The following CFAP92 variants were observed in gnomAD, a reference collection of about 807,000 sequenced individuals.
CFAP92 encodes cilia and flagella associated protein 92 (putative), also known as uncharacterized protein CFAP92.
Under a neutral mutation model 106.3 loss-of-function variants are expected in CFAP92, and 86 were observed. The ratio of observed to expected loss-of-function variants is 0.81; its 90% CI spans 0.68 to 0.97. The LOEUF is 0.97. Ranked by LOEUF, CFAP92 falls within the 50% of genes least tolerant of loss-of-function variation. The probability of loss-of-function intolerance (pLI) is 0.00; values close to 1 mark genes in which losing one functional copy is unlikely to be tolerated. For synonymous variants in CFAP92, 477 were observed against 506.4 expected (o/e 0.94, Z 0.78); for missense variants, 1,204 against 1,283.8 (o/e 0.94, Z 0.95).
chr3:128,971,417 T>C lies in CFAP92; in HGVS notation c.1038A>G (p.Ser346=). Reference sequence around the variant, plus strand: ...TCCTCTGGATTTTCCTTCTTCCCTCTGAATCTTTCCCTTTAACTGTGAAAT... The same window carrying C: ...TCCTCTGGATTTTCCTTCTTCCCTCCGAATCTTTCCCTTTAACTGTGAAAT... ...RQRSQIKGKD[S]EGRRKIQRRH... Residue 346 remains serine (S), a synonymous_variant, in exon 8 of 16, where the codon TCA becomes TCG. Coordinates refer to ENST00000645291, the MANE Select transcript of CFAP92 (RefSeq NM_001394090.1). The C allele has an allele frequency of 1.2e-6, 2 of 1,608,996 alleles. No homozygotes were observed. The highest frequency in any genetic ancestry group is 1.1e-5 in the South Asian group (1 of 90,400).
At chr3:128,995,205 C>T (rs1944434867), upstream of CFAP92, among the ~76,000 whole-genome samples, 1 of 152,216 alleles carries the variant, frequency 6.6e-6, no homozygotes, top group Non-Finnish European at 1.5e-5. Flanking sequence ...GCAGCTGGGG[C>T]TGAGACCCAA....
At chr3:129,022,436 G>A in the CFAP92 span, among the ~76,000 whole-genome samples, 7 of 152,226 alleles carry the variant, frequency 4.6e-5, no homozygotes, top group African/African-American at 1.2e-4. Context: ...AAGATCTGGA[G>A]CCAGGAGCCA....
intron 1 of CFAP92, chr3:128,993,680 C>T (rs1396550493): frequency 5.9e-6 from 2 of 338,974 alleles, no homozygotes; most frequent in African/African-American, 4.2e-5. Flanking sequence ...GACGTCTGCT[C>T]AGGCAGGCCT....
upstream of CFAP92, chr3:129,004,213 A>C (rs1944956250): frequency 8.7e-7 from 1 of 1,149,844 alleles, no homozygotes; most frequent in Non-Finnish European, 1.1e-6. Flanking sequence ...GTATTCTTTC[A>C]TTCCTTTGTC....
chr3:128,912,465 G>C (rs184945177), intron 15 of CFAP92: 1 of 1,562,792 alleles, frequency 6.4e-7, no homozygotes, highest in South Asian at 1.1e-5. Context: ...GTCTTATCAC[G>C]GTGCAGAAAG....
intron 12 of CFAP92, among the ~76,000 whole-genome samples, chr3:128,916,875 A>C (rs1430500695): frequency 6.6e-6 from 1 of 152,234 alleles, no homozygotes; most frequent in Admixed American, 6.5e-5. Flanking sequence ...TTACCACTCT[A>C]AATTGTTGGG....
chr3:129,012,373 G>A, the CFAP92 span, among the ~76,000 whole-genome samples: 1 of 152,102 alleles, frequency 6.6e-6, no homozygotes, highest in Non-Finnish European at 1.5e-5. Context: ...ACACTCCTCG[G>A]ATGAGCTTTC....
chr3:128,993,854 TG>T, intron 1 of CFAP92, 125 bp downstream of exon 1: 1 of 697,238 alleles, frequency 1.4e-6, no homozygotes, highest in Non-Finnish European at 1.8e-6. Flanking sequence ...CTCAGGCCCA[TG>T]GAGGCGGAAC....
chr3:128,973,419 G>A (rs559345385), intron 7 of CFAP92, among the ~76,000 whole-genome samples: 1 of 152,262 alleles, frequency 6.6e-6, no homozygotes, highest in Admixed American at 6.5e-5. Context: ...CACTTTGGGA[G>A]GCCGAGGCAA....
the CFAP92 span, among the ~76,000 whole-genome samples, chr3:129,020,505 C>T: frequency 2.6e-5 from 4 of 152,120 alleles, no homozygotes; most frequent in Non-Finnish European, 5.9e-5. Context: ...AGCATGGTGG[C>T]CTGCACCTGT....
At chr3:128,964,790 C>G (rs1942241348) in intron 9 of CFAP92, among the ~76,000 whole-genome samples, 1 of 152,138 alleles carries the variant, frequency 6.6e-6, no homozygotes, top group Admixed American at 6.5e-5. Flanking sequence ...GACCTCCCTT[C>G]AGCTTAATCT....
At chr3:129,018,869 C>T in the CFAP92 span, among the ~76,000 whole-genome samples, 4 of 152,318 alleles carry the variant, frequency 2.6e-5, no homozygotes, top group South Asian at 4.1e-4. Flanking sequence ...ACTCCCCACT[C>T]GGCGCTGGAG....
At chr3:129,005,295 C>T (rs1576701352), upstream of CFAP92, among the ~76,000 whole-genome samples, 4 of 152,274 alleles carry the variant, frequency 2.6e-5, no homozygotes, top group South Asian at 2.1e-4. Context: ...AGGATGTTAC[C>T]GGGCCAGATG....
chr3:128,962,332 A>G (rs1438549066), intron 9 of CFAP92, among the ~76,000 whole-genome samples: 2 of 152,124 alleles, frequency 1.3e-5, no homozygotes, highest in African/African-American at 4.8e-5. Context: ...CCTTGCCTCC[A>G]TAACTGTTGT....
At position 128,915,658 on chromosome 3, in the gene CFAP92, A is replaced by T. The variant is rs749563781; in HGVS notation, c.2917-95T>A. The T allele has an allele frequency of 6.3e-6, 5 of 792,398 alleles. No individual in the cohort carries two copies. In the South Asian group the frequency reaches 9.3e-5, roughly 15 times the overall value. The allele number at this position is 792,398 out of a possible 1,614,324, so 49.1% of individuals were successfully genotyped here. ...ATCAGAAACAGCTGGGGGCATAATC[A>T]TAGTTCCTGACAATGTAAATAGTGC... is the stretch of plus-strand genomic sequence containing the variant. On this transcript the variant is annotated intron_variant, in intron 13 of 15. Transcript: ENST00000645291.
At chr3:129,012,710 A>G in the CFAP92 span, among the ~76,000 whole-genome samples, 1 of 152,280 alleles carries the variant, frequency 6.6e-6, no homozygotes, top group African/African-American at 2.4e-5. Context: ...AAGTGGGACA[A>G]CTCCCAAAAC....
At chr3:129,011,461 G>T in the CFAP92 span, among the ~76,000 whole-genome samples, 3 of 151,686 alleles carry the variant, frequency 2.0e-5, no homozygotes, top group African/African-American at 7.3e-5. Flanking sequence ...TGAGGCAGGA[G>T]AATTGCTTGA....
Position 128,935,187 on chromosome 3 carries a change from C to T in CFAP92, c.2391G>A (p.Leu797=), listed in dbSNP as rs769636283. Residue 797 remains leucine (L), a synonymous_variant, in exon 11 of 16, where the codon CTG becomes CTA. Transcript: ENST00000645291. ...VHLFQPTELL[L]QQAVFFLRDT... is the part of the protein sequence containing the mutation. The stretch of plus-strand genomic sequence containing the variant: ...CTCGCAGGAAGAACACCGCCTGCTG[C>T]AGCAGCAGCTCCGTGGGCTGGAAGA... 2 of 1,535,874 alleles carry T rather than the reference C, an allele frequency of 1.3e-6. No homozygotes were observed. The highest frequency in any genetic ancestry group is 1.4e-5 in the African/African-American group (1 of 73,166).
At chr3:128,999,440 T>C (rs1396526754) in intron 1 of CFAP92, among the ~76,000 whole-genome samples, 2 of 151,864 alleles carry the variant, frequency 1.3e-5, no homozygotes, top group Admixed American at 6.6e-5. Flanking sequence ...AAAGGATTCC[T>C]TCACCAGCTG....
Sources: allele counts gnomAD v4.1 joint callset (sites outside exome capture counted in the v4.1 genomes callset), GRCh38; gene constraint gnomAD v4.1.1; transcripts MANE v1.5; gene names NCBI Gene and HGNC (gene_info 2026-07-23, HGNC 2026-07-21).